Variants in PMS2 observed in about 807,000 individuals in gnomAD.
PMS2 encodes the protein mismatch repair endonuclease PMS2.
PMS2 carries 69 observed loss-of-function variants against 90.0 expected under a neutral mutation model. The observed-to-expected ratio is 0.77, with a 90% CI of 0.63 to 0.94. The LOEUF (loss-of-function observed/expected upper bound fraction) is 0.94. Ranked by LOEUF, PMS2 falls within the 40% of genes least tolerant of loss-of-function variation. The pLI, the probability that PMS2 is intolerant of heterozygous loss-of-function variation, is 0.00. For synonymous variants in PMS2, 332 were observed against 375.1 expected (o/e 0.89, Z 1.33); for missense variants, 966 against 1,040.2 (o/e 0.93, Z 0.98).
chr7:5,977,872 C>A lies in PMS2; in HGVS notation c.2276-115G>T, dbSNP rs1349834311. On this transcript the variant is annotated intron_variant, in intron 13 of 14. Coordinates refer to ENST00000265849, the MANE Select transcript of PMS2 (RefSeq NM_000535.7). ...TGGTGGCTCACGCCTGTAATCCCTG[C>A]ACTTTGGGAGGCTGAGGCCAGCGGA... is the stretch of plus-strand genomic sequence containing the variant. 4.5e-5 allele frequency: 67 copies of A among 1,503,512 alleles called. 1 individual carries two copies. Among genetic ancestry groups the A allele is most frequent in the Non-Finnish European group, 5.8e-5 (63 of 1,093,016 alleles). The allele number at this position is 1,503,512 out of a possible 1,614,324, so 93.1% of individuals were successfully genotyped here.
intron 14 of PMS2, among the ~76,000 whole-genome samples, chr7:5,975,816 G>A (rs992526710): frequency 1.1e-5 from 1 of 89,046 alleles, no homozygotes; most frequent in Non-Finnish European, 2.4e-5. Context: ...GGGATTACAC[G>A]TGTGAGCCAC....
At chr7:5,993,241 T>C (rs1162223078) in intron 8 of PMS2, among the ~76,000 whole-genome samples, 11 of 151,810 alleles carry the variant, frequency 7.2e-5, no homozygotes, top group African/African-American at 2.7e-4. Flanking sequence ...CATGGCAGCA[T>C]GTGCCTATAA....
At chr7:6,005,267 C>T (rs1455553490) in intron 2 of PMS2, among the ~76,000 whole-genome samples, 1 of 152,108 alleles carries the variant, frequency 6.6e-6, no homozygotes, top group South Asian at 2.1e-4. Flanking sequence ...TGCAGTGGCA[C>T]GATCTCGGCT....
At chr7:5,977,545 A>C in intron 14 of PMS2, 43 bp downstream of exon 14, 1 of 1,293,910 alleles carries the variant, frequency 7.7e-7, no homozygotes, top group Admixed American at 1.9e-5. Flanking sequence ...CCTCGACTGC[A>C]AGCTTGAGCA....
chr7:5,991,763 C>T (rs910401877), intron 9 of PMS2, among the ~76,000 whole-genome samples: 1 of 151,772 alleles, frequency 6.6e-6, no homozygotes, highest in Non-Finnish European at 1.5e-5. Context: ...CGCTTGAACC[C>T]GGGAGGCAGA....
chr7:6,006,774 T>C (rs1175750061), intron 1 of PMS2, among the ~76,000 whole-genome samples: 1 of 152,176 alleles, frequency 6.6e-6, no homozygotes, highest in South Asian at 2.1e-4. Context: ...TTATACACAG[T>C]TGCCTTTGAT....
intron 4 of PMS2, among the ~76,000 whole-genome samples, chr7:6,003,130 C>G (rs1289198681): frequency 6.6e-6 from 1 of 151,708 alleles, no homozygotes; most frequent in Non-Finnish European, 1.5e-5. Flanking sequence ...CCCATCTCTA[C>G]TAAAAATACA....
At chr7:5,984,183 G>T (rs1782607480) in intron 11 of PMS2, among the ~76,000 whole-genome samples, 1 of 151,930 alleles carries the variant, frequency 6.6e-6, no homozygotes, top group South Asian at 2.1e-4. Context: ...TCTGTGAAAA[G>T]TCACACTCCC....
In PMS2 at chr7:5,973,292, T is replaced by C. The variant is rs148520351; in HGVS notation, c.*107A>G. 1.6e-3 allele frequency: 2,197 copies of C among 1,358,150 alleles called. 256 individuals are homozygous for C. In the African/African-American group the frequency reaches 0.031, roughly 19 times the overall value. 84.1% of individuals were successfully genotyped at this position (1,358,150 alleles called of 1,614,324 possible). On this transcript the variant is annotated 3_prime_UTR_variant, in exon 15 of 15. Transcript: ENST00000265849. ...TTTTAAATGGGTGTGATGTGTATTTTTTTTAAGTAGCAGGTTCATTTTAAA... is the reference window on the plus strand; with the variant it reads ...TTTTAAATGGGTGTGATGTGTATTTCTTTTAAGTAGCAGGTTCATTTTAAA...
intron 1 of PMS2, among the ~76,000 whole-genome samples, chr7:6,007,760 A>T (rs1165772139): frequency 6.6e-6 from 1 of 152,068 alleles, no homozygotes; most frequent in Non-Finnish European, 1.5e-5. Flanking sequence ...TCTGTCTACC[A>T]TGTGAAACTG....
At chr7:5,993,862 CAAA>C (rs61677497) in intron 8 of PMS2, among the ~76,000 whole-genome samples, 3 of 38,940 alleles carry the variant, frequency 7.7e-5, no homozygotes, top group Middle Eastern at 0.033. Context: ...GACTCTGTCT[CAAA>C]AAAAAAAAAA....
intron 12 of PMS2, among the ~76,000 whole-genome samples, chr7:5,982,242 G>C (rs1782359047): frequency 6.6e-6 from 1 of 151,918 alleles, no homozygotes; most frequent in Non-Finnish European, 1.5e-5. Context: ...TTTCACTCTT[G>C]TTGCCCAGGC....
At chr7:6,005,278 T>C (rs1242762562) in intron 2 of PMS2, among the ~76,000 whole-genome samples, 1 of 152,194 alleles carries the variant, frequency 6.6e-6, no homozygotes, top group Non-Finnish European at 1.5e-5. Context: ...GATCTCGGCT[T>C]ACTGCAACCT....
intron 1 of PMS2, among the ~76,000 whole-genome samples, chr7:6,007,302 G>A (rs183487359): frequency 6.6e-6 from 1 of 152,180 alleles, no homozygotes; most frequent in East Asian, 1.9e-4. Context: ...TTTTAGAAGA[G>A]ATAGGGTTTC....
At chr7:5,990,957 G>C (rs117279697) in intron 9 of PMS2, among the ~76,000 whole-genome samples, 3,783 of 152,298 alleles carry the variant, frequency 0.025, 89 homozygotes, top group Middle Eastern at 0.13. Flanking sequence ...GGAGGTTACA[G>C]TGAGCTGATA....
chr7:5,992,142 CCAG>C (rs200573843), intron 8 of PMS2, 85 bp from the exon 9 acceptor site: 13,436 of 779,392 alleles, frequency 0.017, 201 homozygotes, highest in Non-Finnish European at 0.022. Context: ...TTCTAACCAA[CCAG>C]CATGTTCTTA....
Position 6,003,731 on chromosome 7 carries a change from A to G in PMS2, c.312T>C (p.Phe104=), listed in dbSNP as rs778519215. ...EFADLTQVET[F]GFRGEALSSL... is the part of the protein sequence containing the mutation. ...AGCTCAGAGCTTCCCCCCGAAAGCC[A>G]AAAGTTTCAACCTGAGTTAGGTCGG... Residue 104 remains phenylalanine, a synonymous_variant, in exon 4 of 15, where the codon TTT becomes TTC. Coordinates refer to ENST00000265849, the MANE Select transcript of PMS2 (RefSeq NM_000535.7). 6.2e-7 allele frequency: 1 copy of G among 1,600,978 alleles called. No homozygotes were observed. The highest frequency in any genetic ancestry group is 8.5e-7 in the Non-Finnish European group (1 of 1,179,070).
chr7:6,002,045 T>A (rs999008000), intron 5 of PMS2: 2 of 173,604 alleles, frequency 1.2e-5, no homozygotes, highest in Non-Finnish European at 2.5e-5. Context: ...ATATATATTT[T>A]TCCAGACAGG....
At chr7:5,989,136 C>T (rs1783434272) in intron 10 of PMS2, among the ~76,000 whole-genome samples, 1 of 152,160 alleles carries the variant, frequency 6.6e-6, no homozygotes. Flanking sequence ...AAGCATGAGC[C>T]GCTGCGCCTG....
Sources: allele counts gnomAD v4.1 joint callset (sites outside exome capture counted in the v4.1 genomes callset), GRCh38; gene constraint gnomAD v4.1.1; transcripts MANE v1.5; gene names NCBI Gene and HGNC (gene_info 2026-07-23, HGNC 2026-07-21).